Variants in TLE4 observed in about 807,000 individuals in gnomAD.
The protein encoded by TLE4 is TLE family member 4, transcriptional corepressor.
A neutral mutation model predicts 92.8 loss-of-function variants in TLE4; 8 were observed. That is an observed-to-expected ratio of 0.09 (90% confidence interval 0.05 to 0.16). The LOEUF (loss-of-function observed/expected upper bound fraction) is 0.16, where lower values mean the gene tolerates loss of function less well. Ranked by LOEUF, TLE4 falls within the 10% of genes least tolerant of loss-of-function variation. The probability of loss-of-function intolerance (pLI) is 1.00; values close to 1 mark genes in which losing one functional copy is unlikely to be tolerated. For synonymous variants in TLE4, 371 were observed against 374.1 expected, an observed-to-expected ratio of 0.99 and a Z score of 0.10; for missense variants, 675 against 997.6, an observed-to-expected ratio of 0.68 and a Z score of 4.36.
intron 6 of TLE4, among the ~76,000 whole-genome samples, chr9:79,647,862 G>T (rs757040182): frequency 3.3e-5 from 5 of 152,014 alleles, no homozygotes; most frequent in Non-Finnish European, 4.4e-5. Context: ...GAGAGACAGT[G>T]GTGGAGATTA....
At chr9:79,721,382 C>T (rs2075613766) in intron 16 of TLE4, among the ~76,000 whole-genome samples, 1 of 152,218 alleles carries the variant, frequency 6.6e-6, no homozygotes, top group Non-Finnish European at 1.5e-5. Context: ...TTCTCTCTCC[C>T]TCATACCACA....
chr9:79,641,369 A>G (rs769450354), intron 6 of TLE4, among the ~76,000 whole-genome samples: 1 of 152,172 alleles, frequency 6.6e-6, no homozygotes, highest in Non-Finnish European at 1.5e-5. Context: ...AAGAGCAACT[A>G]AAAGTTCAGC....
intron 8 of TLE4, chr9:79,693,666 T>C (rs529145650): frequency 1.5e-5 from 8 of 517,954 alleles, no homozygotes; most frequent in African/African-American, 1.5e-4. Context: ...AAGTTGTACC[T>C]CTGCTTTGAG....
At chr9:79,654,026 T>G (rs763133726) in intron 7 of TLE4, 33 bp from the exon 8 acceptor site, 7 of 1,613,204 alleles carry the variant, frequency 4.3e-6, no homozygotes, top group Non-Finnish European at 5.9e-6. Flanking sequence ...CCCACCACTT[T>G]ATCTGCTTGT....
At chr9:79,704,049 A>G (rs77750333) in intron 8 of TLE4, among the ~76,000 whole-genome samples, 3,811 of 152,148 alleles carry the variant, frequency 0.025, 73 homozygotes, top group Non-Finnish European at 0.041. Context: ...ACAAAACAAA[A>G]CAAACAAACA....
chr9:79,612,851 C>G, intron 5 of TLE4, 133 bp downstream of exon 5: 1 of 735,038 alleles, frequency 1.4e-6, no homozygotes, highest in Non-Finnish European at 2.3e-6. Context: ...TTCTAAGAAA[C>G]AGTGTTCTCA....
chr9:79,659,311 C>G (rs1312763292), intron 8 of TLE4, among the ~76,000 whole-genome samples: 1 of 152,186 alleles, frequency 6.6e-6, no homozygotes, highest in Non-Finnish European at 1.5e-5. Context: ...ATATTTCTAT[C>G]TATACTTTTT....
In TLE4 at chr9:79,706,076, G is replaced by A. The variant is rs1028315920; in HGVS notation, c.783+134G>A. The A allele has an allele frequency of 6.9e-6, 6 of 875,220 alleles. No homozygotes were observed. In the Admixed American group the frequency reaches 1.1e-4, roughly 15 times the overall value. 54.2% of individuals were successfully genotyped at this position (875,220 alleles called of 1,614,324 possible). A position where few individuals can be genotyped will look rare whatever the true frequency, so the allele number is the denominator to read the frequency against. Reference sequence around the variant, plus strand: ...TTGTTGTTTTTTGAGGCAGGGTCTTGTTCTCTTGCCCTGGCTAGAGTACAG... The same window carrying A: ...TTGTTGTTTTTTGAGGCAGGGTCTTATTCTCTTGCCCTGGCTAGAGTACAG... On this transcript the variant is annotated intron_variant, in intron 10 of 19. Transcript: ENST00000376552.
At chr9:79,724,113 G>T (rs1416012534) in intron 19 of TLE4, among the ~76,000 whole-genome samples, 1 of 150,830 alleles carries the variant, frequency 6.6e-6, no homozygotes, top group African/African-American at 2.4e-5. Flanking sequence ...TCGCAAATTT[G>T]TGTCACATTT....
At chr9:79,607,382 T>A (rs537737781) in intron 4 of TLE4, among the ~76,000 whole-genome samples, 2 of 152,208 alleles carry the variant, frequency 1.3e-5, no homozygotes, top group Non-Finnish European at 2.9e-5. Flanking sequence ...TTTAATTAGA[T>A]CCCATTTGTC....
intron 8 of TLE4, among the ~76,000 whole-genome samples, chr9:79,702,722 C>T (rs115818009): frequency 0.025 from 3,747 of 152,236 alleles, 158 homozygotes; most frequent in African/African-American, 0.084. Flanking sequence ...ACAGCAGGGA[C>T]GGATTTAGAG....
chr9:79,604,124 C>G (rs1040585925), intron 4 of TLE4, among the ~76,000 whole-genome samples: 1 of 151,918 alleles, frequency 6.6e-6, no homozygotes. Context: ...GGGAGGAGGA[C>G]GAGTAATTGA....
intron 8 of TLE4, among the ~76,000 whole-genome samples, chr9:79,654,924 G>A (rs560295118): frequency 1.7e-4 from 26 of 152,238 alleles, no homozygotes; most frequent in African/African-American, 5.1e-4. Flanking sequence ...TGGGCGGATC[G>A]TGAGGTCAAG....
intron 4 of TLE4, among the ~76,000 whole-genome samples, chr9:79,608,897 T>C (rs1445136369): frequency 6.6e-6 from 1 of 152,102 alleles, no homozygotes; most frequent in Non-Finnish European, 1.5e-5. Flanking sequence ...GGAAATCATA[T>C]AGGCTGAAAT....
chr9:79,712,475 AG>A (rs1378849192), intron 14 of TLE4, among the ~76,000 whole-genome samples: 2 of 152,216 alleles, frequency 1.3e-5, no homozygotes, highest in Non-Finnish European at 2.9e-5. Flanking sequence ...TAAGTGTGCT[AG>A]AAAATAAAAT....
chr9:79,697,879 T>C (rs1278800217), intron 8 of TLE4, among the ~76,000 whole-genome samples: 2 of 152,166 alleles, frequency 1.3e-5, no homozygotes, highest in Non-Finnish European at 2.9e-5. Context: ...GGAGCCCTAC[T>C]GAAAAACAAG....
At chr9:79,597,842 C>A (rs1051028596) in intron 4 of TLE4, among the ~76,000 whole-genome samples, 25 of 152,096 alleles carry the variant, frequency 1.6e-4, no homozygotes, top group African/African-American at 6.0e-4. Flanking sequence ...CGAGAGTAAT[C>A]CTCTTAAAAT....
At chr9:79,597,982 C>T (rs910473287) in intron 4 of TLE4, among the ~76,000 whole-genome samples, 1 of 150,984 alleles carries the variant, frequency 6.6e-6, no homozygotes, top group Non-Finnish European at 1.5e-5. Context: ...CCTGTAATCC[C>T]AGCATTTTGG....
rs149417272 is a variant in TLE4 at position 79,698,951 on chromosome 9, A to G, written c.610-5832A>G. ...TATGTTAAAATGTTTTATCAGTTAT[A>G]AAGAGCTCAATGAATGGGAAAATAA... On this transcript the variant is annotated intron_variant, in intron 8 of 19. Coordinates refer to ENST00000376552, the MANE Select transcript of TLE4 (RefSeq NM_007005.6). Among the ~76,000 whole-genome samples the G allele has an allele frequency of 3.7e-3, 556 of 151,598 alleles. 23 individuals carry two copies. The East Asian group carries it at 0.085, about 23-fold the overall frequency.
Sources: gnomAD v4.1 joint callset for allele counts (sites outside exome capture counted in the v4.1 genomes callset) on GRCh38, gnomAD v4.1.1 for gene constraint, MANE v1.5 for transcripts, NCBI Gene and HGNC (gene_info 2026-07-23, HGNC 2026-07-21) for gene names.